CX3CL1: variants seen among roughly 807,000 people sequenced by gnomAD.
CX3CL1 encodes C-X3-C motif chemokine ligand 1.
CX3CL1 carries 1 observed loss-of-function variant against 14.1 expected under a neutral mutation model. That is an observed-to-expected ratio of 0.07 (90% CI 0.03 to 0.34). The LOEUF is 0.34. Among genes scored for constraint, CX3CL1 ranks in the 10% least tolerant of loss-of-function variants. The probability of loss-of-function intolerance (pLI) is 0.99; values close to 1 mark genes in which losing one functional copy is unlikely to be tolerated. For synonymous variants in CX3CL1, 255 were observed against 229.6 expected (o/e 1.11, Z -1.00); for missense variants, 505 against 536.4 (o/e 0.94, Z 0.58).
At chr16:57,376,251 G>C (rs1323191412) in intron 1 of CX3CL1, among the ~76,000 whole-genome samples, 1 of 152,266 alleles carries the variant, frequency 6.6e-6, no homozygotes, top group East Asian at 1.9e-4. Flanking sequence ...GGCCTGGCAA[G>C]AGGAACCAGC....
At chr16:57,378,664 A>T (rs1458053529) in intron 1 of CX3CL1, 2 of 152,024 alleles carry the variant, frequency 1.3e-5, no homozygotes, top group East Asian at 3.9e-4. Flanking sequence ...AGGTTTCACC[A>T]TATTGATCAG....
chr16:57,375,275 G>A (rs550296606), intron 1 of CX3CL1, among the ~76,000 whole-genome samples: 15 of 152,282 alleles, frequency 9.9e-5, no homozygotes, highest in African/African-American at 2.6e-4. Context: ...GGGTGAGGGC[G>A]GGAGCCATGT....
intron 2 of CX3CL1, 50 bp from the exon 3 acceptor site, chr16:57,381,980 G>T: frequency 6.6e-7 from 1 of 1,525,190 alleles, no homozygotes; most frequent in South Asian, 1.3e-5. Context: ...ACGCTGGCCC[G>T]GGTTTCTGGT....
chr16:57,373,106 C>A (rs777101634), intron 1 of CX3CL1, among the ~76,000 whole-genome samples: 2 of 152,156 alleles, frequency 1.3e-5, no homozygotes, highest in Non-Finnish European at 2.9e-5. Context: ...TCAAAGCCCC[C>A]AGGATTAGGG....
intron 1 of CX3CL1, among the ~76,000 whole-genome samples, chr16:57,374,627 C>T: frequency 6.6e-6 from 1 of 152,144 alleles, no homozygotes; most frequent in East Asian, 1.9e-4. Flanking sequence ...CCACAAAGCG[C>T]TTCCTTAGGC....
Position 57,382,357 on chromosome 16 carries a change from A to C in CX3CL1, c.519A>C (p.Pro173=). ...GSSGTRLPPT[P]KAQDGGPVGT... is the part of the protein sequence containing the mutation. Reference sequence around the variant, plus strand: ...CAGGGACCAGGCTCCCCCCGACGCCAAAGGCTCAGGATGGAGGGCCTGTGG... The same window carrying C: ...CAGGGACCAGGCTCCCCCCGACGCCCAAGGCTCAGGATGGAGGGCCTGTGG... The change falls in exon 3 of 3, where the codon CCA becomes CCC. Residue 173 remains proline, a synonymous_variant. Coordinates refer to ENST00000006053, the MANE Select transcript of CX3CL1 (RefSeq NM_002996.6). This position sits in a 1 kb window ranked among gnomAD's most constrained non-coding sequence, Gnocchi z 6.9. The C allele has an allele frequency of 6.2e-7, 1 of 1,610,766 alleles. No homozygotes were observed. Among genetic ancestry groups the C allele is most frequent in the Non-Finnish European group, 8.5e-7 (1 of 1,179,748 alleles).
Position 57,376,022 on chromosome 16 carries a change from T to G in CX3CL1, c.70+3384T>G, listed in dbSNP as rs170364. Reference sequence around the variant, plus strand: ...TTTCCAGCTTCTGCATCTGTAAAGTTGGGATAATACTCCCTTTGCAGGAAT... The same window carrying G: ...TTTCCAGCTTCTGCATCTGTAAAGTGGGGATAATACTCCCTTTGCAGGAAT... On this transcript the variant is annotated intron_variant, in intron 1 of 2. Transcript: ENST00000006053. 0.74 allele frequency among the ~76,000 whole-genome samples: 112,099 copies of G among 152,132 alleles called. 41,405 individuals are homozygous for G. Among genetic ancestry groups the G allele is most frequent in the Non-Finnish European group, 0.76 (51,497 of 67,978 alleles).
chr16:57,379,764 G>T lies in CX3CL1; in HGVS notation c.191+10G>T. 1 of 1,614,066 alleles carries T rather than the reference G, an allele frequency of 6.2e-7. No homozygotes were observed. Among genetic ancestry groups the T allele is most frequent in the Middle Eastern group, 1.6e-4 (1 of 6,062 alleles). ...GCAAACGCGCAATCATGTAGGTACT[G>T]CCCTCGAGGCCTCTGAAATCCCCTT... is the stretch of plus-strand genomic sequence containing the variant. On this transcript the variant is annotated intron_variant, in intron 2 of 2. Transcript: ENST00000006053.
At chr16:57,377,532 T>C (rs1428200814) in intron 1 of CX3CL1, 1 of 152,102 alleles carries the variant, frequency 6.6e-6, no homozygotes, top group Non-Finnish European at 1.5e-5. Flanking sequence ...GGGCCAAAGC[T>C]AAGGGGGAGC....
chr16:57,372,763 T>C, intron 1 of CX3CL1, 125 bp downstream of exon 1: 1 of 876,834 alleles, frequency 1.1e-6, no homozygotes, highest in Non-Finnish European at 1.8e-6. Flanking sequence ...TGGCAGCCGC[T>C]TCCCCAGGGA....
In CX3CL1 at chr16:57,372,528, G is replaced by C. The variant is rs199506606; in HGVS notation, c.-41G>C. 11 of 1,593,218 alleles carry C rather than the reference G, an allele frequency of 6.9e-6. No individual in the cohort carries two copies. The highest frequency in any genetic ancestry group is 1.7e-6 in the Non-Finnish European group (2 of 1,168,174). ...TGAGCTCTGCCGCCTGGCTCTAGCC[G>C]CCTGCCTGGCCCCCGCCGGGACTCT... is the stretch of plus-strand genomic sequence containing the variant. On this transcript the variant is annotated 5_prime_UTR_variant, in exon 1 of 3. Transcript: ENST00000006053.
chr16:57,373,240 G>A (rs1597994944), intron 1 of CX3CL1, among the ~76,000 whole-genome samples: 1 of 152,298 alleles, frequency 6.6e-6, no homozygotes, highest in East Asian at 1.9e-4. Context: ...CCTCCTCCAA[G>A]CACAGTGTAG....
At chr16:57,376,487 G>GATGA (rs1260619633) in intron 1 of CX3CL1, among the ~76,000 whole-genome samples, 2 of 151,226 alleles carry the variant, frequency 1.3e-5, no homozygotes, top group African/African-American at 2.4e-5. Flanking sequence ...TGGATGGATG[G>GATGA]ATGGGTGGAT....
intron 2 of CX3CL1, among the ~76,000 whole-genome samples, chr16:57,381,282 G>T (rs1457146792): frequency 1.3e-5 from 2 of 152,334 alleles, no homozygotes; most frequent in African/African-American, 4.8e-5. Context: ...GCCTCTGTCA[G>T]CTCTGAGCTG....
At chr16:57,374,592 T>C (rs1486560105) in intron 1 of CX3CL1, among the ~76,000 whole-genome samples, 1 of 152,152 alleles carries the variant, frequency 6.6e-6, no homozygotes, top group Non-Finnish European at 1.5e-5. Context: ...AATTCCTCCA[T>C]TTTTCTGTTG....
intron 1 of CX3CL1, among the ~76,000 whole-genome samples, chr16:57,375,952 G>C (rs908689401): frequency 2.6e-5 from 4 of 152,160 alleles, no homozygotes; most frequent in Non-Finnish European, 4.4e-5. Flanking sequence ...AACTAGCTCT[G>C]CCACCATGCA....
rs1902390228 is a variant in CX3CL1 at position 57,384,803 on chromosome 16, GGA to G, written c.*1775_*1776del. On this transcript the variant is annotated 3_prime_UTR_variant, in exon 3 of 3. Transcript: ENST00000006053. ...ACTTTGTTCTGGCTCTTCCAGGCTG[GGA>G]GAGCCTTCCAGGGGTGGGACACCCT... 1 of 152,286 alleles carries G rather than the reference GGA, an allele frequency of 6.6e-6. No homozygotes were observed. The highest frequency in any genetic ancestry group is 6.5e-5 in the Admixed American group (1 of 15,288). The allele number at this position is 152,286 out of a possible 1,614,324, so 9.4% of individuals were successfully genotyped here. A position where few individuals can be genotyped will look rare whatever the true frequency, so the allele number is the denominator to read the frequency against.
intron 1 of CX3CL1, 50 bp downstream of exon 1, chr16:57,372,688 CT>C (rs777182844): frequency 1.6e-5 from 26 of 1,590,486 alleles, no homozygotes; most frequent in Non-Finnish European, 2.2e-5. Context: ...CCCCCAGCCC[CT>C]TGTCTATCCC....
intron 2 of CX3CL1, among the ~76,000 whole-genome samples, chr16:57,381,623 C>CTGATCTACTCTG (rs1391243379): frequency 1.3e-5 from 2 of 152,126 alleles, no homozygotes; most frequent in Non-Finnish European, 2.9e-5. Flanking sequence ...TTATTATTTT[C>CTGATCTACTCTG]AGCTATTACT....
Sources: allele counts gnomAD v4.1 joint callset (sites outside exome capture counted in the v4.1 genomes callset), GRCh38; gene constraint gnomAD v4.1.1; non-coding constraint Gnocchi (gnomAD v3.1); transcripts MANE v1.5; gene names NCBI Gene and HGNC (gene_info 2026-07-23, HGNC 2026-07-21).